CNTLN: variants seen among roughly 807,000 people sequenced by gnomAD.
CNTLN encodes the protein centlein, centrosomal protein.
CNTLN carries 212 observed loss-of-function variants against 180.0 expected under a neutral mutation model. The observed-to-expected ratio is 1.18, with a 90% CI of 1.05 to 1.32. The LOEUF is 1.32. Among genes scored for constraint, CNTLN ranks in the 40% most tolerant of loss-of-function variants. The pLI is 0.00. For missense variants in CNTLN, 2,095 were observed against 1,610.9 expected (o/e 1.30, Z -5.14); for synonymous variants, 722 against 563.1 (o/e 1.28, Z -3.99).
rs28377535 is a variant in CNTLN at position 17,466,804 on chromosome 9, A to G, written c.3768A>G (p.Ala1256=). 2.1e-3 allele frequency: 3,354 copies of G among 1,611,214 alleles called. 42 individuals carry two copies. In the African/African-American group the frequency reaches 0.035, roughly 17 times the overall value. ...TAASKQLQEL[A]LQSEQVLEGA... The stretch of plus-strand genomic sequence containing the variant: ...CATCTAAGCAGCTTCAAGAATTAGC[A>G]TTGCAAAGTGAACAGGTCCTAGAAG... The change falls in exon 23 of 26, where the codon GCA becomes GCG. Residue 1256 remains alanine, a synonymous_variant. Coordinates refer to ENST00000380647, the MANE Select transcript of CNTLN (RefSeq NM_017738.4).
At chr9:17,262,390 C>T (rs113746400) in intron 5 of CNTLN, among the ~76,000 whole-genome samples, 2,246 of 151,628 alleles carry the variant, frequency 0.015, 40 homozygotes, top group Non-Finnish European at 0.026. Context: ...GAATACTATG[C>T]AGCCATAAAA....
chr9:17,507,540 C>A (rs758808320), downstream of CNTLN, among the ~76,000 whole-genome samples: 2 of 152,110 alleles, frequency 1.3e-5, no homozygotes, highest in African/African-American at 4.8e-5. Context: ...AATAGTAATT[C>A]GGTTTTTAGT....
At chr9:17,208,412 G>C (rs1036435487) in intron 2 of CNTLN, among the ~76,000 whole-genome samples, 4 of 152,124 alleles carry the variant, frequency 2.6e-5, no homozygotes, top group Non-Finnish European at 5.9e-5. Flanking sequence ...GTTCATCAGG[G>C]GTATTGGCCA....
At chr9:17,246,466 A>G (rs1825800674) in intron 5 of CNTLN, among the ~76,000 whole-genome samples, 1 of 152,294 alleles carries the variant, frequency 6.6e-6, no homozygotes, top group African/African-American at 2.4e-5. Flanking sequence ...CCCTGTGACC[A>G]CCAACATTGG....
In CNTLN at chr9:17,152,348, G is replaced by T. The variant is rs150404633; in HGVS notation, c.449+8972G>T. ...TGCTTTAGCTGTGTCCCAGAGATTC[G>T]GGTATGTTGTCTCTTTGTTCTCATT... On this transcript the variant is annotated intron_variant, in intron 2 of 25. Transcript: ENST00000380647. Among the ~76,000 whole-genome samples, 801 of 152,074 alleles carry T rather than the reference G, an allele frequency of 5.3e-3. 5 individuals carry two copies. Among genetic ancestry groups the T allele is most frequent in the African/African-American group, 0.019 (770 of 41,502 alleles).
chr9:17,478,381 T>C (rs187111898), intron 23 of CNTLN, among the ~76,000 whole-genome samples: 1 of 152,294 alleles, frequency 6.6e-6, no homozygotes, highest in East Asian at 1.9e-4. Flanking sequence ...CACTGTTGTT[T>C]GCTGTGCAGA....
chr9:17,491,944 T>G (rs2442006), intron 25 of CNTLN, among the ~76,000 whole-genome samples: 1 of 151,984 alleles, frequency 6.6e-6, no homozygotes, highest in South Asian at 2.1e-4. Flanking sequence ...TCTCCTTGCA[T>G]CTCTGAAGCC....
rs1199985446 is a variant in CNTLN at position 17,295,226 on chromosome 9, G to A, written c.984-2964G>A. On this transcript the variant is annotated intron_variant, in intron 6 of 25. Coordinates refer to ENST00000380647, the MANE Select transcript of CNTLN (RefSeq NM_017738.4). ...CACGCCTGTCCCTCCACACCTCCCT[G>A]CAAGCTGAGGGAGCCGGCTCTGGCC... Among the ~76,000 whole-genome samples the A allele has an allele frequency of 5.3e-5, 8 of 152,212 alleles. 1 individual carries two copies. The highest frequency in any genetic ancestry group is 1.9e-4 in the African/African-American group (8 of 41,574).
chr9:17,164,418 C>T (rs1488609933), intron 2 of CNTLN, among the ~76,000 whole-genome samples: 9 of 145,394 alleles, frequency 6.2e-5, no homozygotes, highest in South Asian at 2.1e-4. Context: ...AGACCAAGTC[C>T]GGATTTAACA....
intron 2 of CNTLN, among the ~76,000 whole-genome samples, chr9:17,225,261 G>T (rs752446199): frequency 6.6e-6 from 1 of 151,968 alleles, no homozygotes; most frequent in African/African-American, 2.4e-5. Context: ...GAGCCTGGTT[G>T]TGCTTCTGCA....
At chr9:17,257,161 G>T (rs1263309257) in intron 5 of CNTLN, among the ~76,000 whole-genome samples, 1 of 150,798 alleles carries the variant, frequency 6.6e-6, no homozygotes, top group South Asian at 2.1e-4. Context: ...AGAGTGTGAT[G>T]TTCCCCTTCC....
chr9:17,442,281 C>T lies in CNTLN; in HGVS notation c.3115-15243C>T, dbSNP rs75751008. 3.3e-5 allele frequency among the ~76,000 whole-genome samples: 5 copies of T among 152,174 alleles called. No homozygotes were observed. In the East Asian group the frequency reaches 7.7e-4, roughly 24 times the overall value. Reference sequence around the variant, plus strand: ...GACTACATGTTAGGCCAAAAACATACCTTAAATTTAAGAAGGTTGAAATAA... The same window carrying T: ...GACTACATGTTAGGCCAAAAACATATCTTAAATTTAAGAAGGTTGAAATAA... On this transcript the variant is annotated intron_variant, in intron 18 of 25. Transcript: ENST00000380647.
At chr9:17,209,170 T>A (rs184570442) in intron 2 of CNTLN, among the ~76,000 whole-genome samples, 2 of 152,192 alleles carry the variant, frequency 1.3e-5, no homozygotes, top group Admixed American at 1.3e-4. Flanking sequence ...CCTTCTTAAT[T>A]TCTTCATCGT....
rs143408512 is a variant in CNTLN at position 17,246,950 on chromosome 9, G to A, written c.849+10362G>A. Among the ~76,000 whole-genome samples, 779 of 152,136 alleles carry A rather than the reference G, an allele frequency of 5.1e-3. 5 individuals carry two copies. The highest frequency in any genetic ancestry group is 0.017 in the African/African-American group (723 of 41,522). On this transcript the variant is annotated intron_variant, in intron 5 of 25. Coordinates refer to ENST00000380647, the MANE Select transcript of CNTLN (RefSeq NM_017738.4). ...GTTCAGGAGCTAGGTCCTGGAATGC[G>A]TGCCTCAGGGCACTCCCTGGTGCCT...
intron 14 of CNTLN, among the ~76,000 whole-genome samples, chr9:17,389,413 T>C (rs942871758): frequency 2.6e-5 from 4 of 152,166 alleles, no homozygotes; most frequent in Non-Finnish European, 4.4e-5. Flanking sequence ...GGATATGTAA[T>C]ACTATGCTAC....
In CNTLN at chr9:17,415,876, C is replaced by T; in HGVS notation, c.2885C>T (p.Thr962Ile). The part of the protein sequence containing the change: ...MQKSSHTAVP[T>I]RVNREKYKNI... ...AAGAGTTCACATACAGCAGTTCCTA[C>T]TAGAGGTAAGAATGTATATGCAATT... The change falls in exon 17 of 26, where the codon ACT becomes ATT. Residue 962 changes from threonine to isoleucine, a missense_variant. Thr to Ile is a moderately conservative substitution (Grantham distance 89, BLOSUM62 -1). Transcript: ENST00000380647. 2 of 1,608,080 alleles carry T rather than the reference C, an allele frequency of 1.2e-6. No homozygotes were observed. The highest frequency in any genetic ancestry group is 1.7e-6 in the Non-Finnish European group (2 of 1,177,034).
rs777857039 is a variant in CNTLN, at chr9:17,313,989, C to G, written c.1341+4737C>G. On this transcript the variant is annotated intron_variant, in intron 8 of 25. Transcript: ENST00000380647. ...CCTTAGGTGATCTGCCTGCCTTGGC[C>G]TCCTGAAGTGCTAGGATTACAGGCG... Among the ~76,000 whole-genome samples, 67 of 152,218 alleles carry G rather than the reference C, an allele frequency of 4.4e-4. 2 individuals carry two copies. The highest frequency in any genetic ancestry group is 2.2e-3 in the Admixed American group (33 of 15,288).
At chr9:17,373,512 GATTGTTAAATTGTTAACAAT>G (rs1824500732) in intron 13 of CNTLN, among the ~76,000 whole-genome samples, 1 of 152,042 alleles carries the variant, frequency 6.6e-6, no homozygotes, top group African/African-American at 2.4e-5. Flanking sequence ...CCTTTTAATG[GATTGTTAAATTGTTAACAAT>G]ATTGTTAAAA....
intron 2 of CNTLN, among the ~76,000 whole-genome samples, chr9:17,185,259 T>TTACTC (rs1821357496): frequency 6.6e-6 from 1 of 152,208 alleles, no homozygotes; most frequent in Admixed American, 6.5e-5. Flanking sequence ...CAATAGATAA[T>TTACTC]ATGTCTAAAA....
Sources: gnomAD v4.1 joint callset for allele counts (sites outside exome capture counted in the v4.1 genomes callset) on GRCh38, gnomAD v4.1.1 for gene constraint, MANE v1.5 for transcripts, NCBI Gene and HGNC (gene_info 2026-07-23, HGNC 2026-07-21) for gene names.